The following COL22A1 variants were observed in gnomAD, a reference collection of about 807,000 sequenced individuals.
COL22A1 encodes the protein collagen alpha-1(XXII) chain.
A neutral mutation model predicts 248.9 loss-of-function variants in COL22A1; 221 were observed. The ratio of observed to expected loss-of-function variants is 0.89; its 90% CI spans 0.80 to 0.99. COL22A1 has a LOEUF of 0.99. Among genes scored for constraint, COL22A1 ranks in the 50% least tolerant of loss-of-function variants. COL22A1 has a pLI of 0.00. For missense variants in COL22A1, 2,240 were observed against 2,179.0 expected, an observed-to-expected ratio of 1.03 and a Z score of -0.56; for synonymous variants, 891 against 793.4, an observed-to-expected ratio of 1.12 and a Z score of -2.07.
intron 16 of COL22A1, 34 bp from the exon 17 acceptor site, chr8:138,762,500 G>A: frequency 6.2e-7 from 1 of 1,606,832 alleles, no homozygotes; most frequent in Admixed American, 1.7e-5. Context: ...AAATAAAGAG[G>A]TTAGTGACCA....
intron 56 of COL22A1, among the ~76,000 whole-genome samples, chr8:138,608,534 G>T (rs1029718294): frequency 2.0e-5 from 3 of 152,156 alleles, no homozygotes; most frequent in Non-Finnish European, 1.5e-5. Flanking sequence ...GCTACAAAAT[G>T]GAAGGTCCAT....
chr8:138,608,696 C>T (rs1254292554), intron 56 of COL22A1, among the ~76,000 whole-genome samples: 1 of 152,226 alleles, frequency 6.6e-6, no homozygotes, highest in Non-Finnish European at 1.5e-5. Flanking sequence ...TTCTTGGCTA[C>T]TCCCTTTCAG....
chr8:138,819,122 T>A (rs1818900354), intron 7 of COL22A1, among the ~76,000 whole-genome samples: 1 of 152,240 alleles, frequency 6.6e-6, no homozygotes, highest in South Asian at 2.1e-4. Context: ...TGATGATTTA[T>A]CATTCTGTTA....
intron 45 of COL22A1, among the ~76,000 whole-genome samples, chr8:138,655,348 AT>A (rs1206178002): frequency 6.6e-6 from 1 of 152,006 alleles, no homozygotes; most frequent in Non-Finnish European, 1.5e-5. Flanking sequence ...AAGCACCTAA[AT>A]TTTTAATCGC....
At chr8:138,778,024 G>A in intron 15 of COL22A1, 1 of 416,596 alleles carries the variant, frequency 2.4e-6, no homozygotes, top group South Asian at 2.1e-5. Flanking sequence ...GTACAGTACA[G>A]GACAGGCTGG....
intron 40 of COL22A1, among the ~76,000 whole-genome samples, chr8:138,677,352 G>A (rs1357201698): frequency 1.3e-5 from 2 of 152,210 alleles, no homozygotes; most frequent in African/African-American, 4.8e-5. Flanking sequence ...TTGGCACAGA[G>A]CCCAGCACAG....
chr8:138,896,995 C>T (rs1005425692), intron 1 of COL22A1, among the ~76,000 whole-genome samples: 21 of 152,070 alleles, frequency 1.4e-4, no homozygotes, highest in African/African-American at 4.6e-4. Flanking sequence ...CCATTCAGGC[C>T]CCTAAGTCCC....
chr8:138,803,608 C>T (rs1817195386), intron 10 of COL22A1, among the ~76,000 whole-genome samples: 1 of 152,190 alleles, frequency 6.6e-6, no homozygotes. Context: ...ACAAGTCCAT[C>T]CCTGTGTACC....
At chr8:138,696,783 C>T (rs146486430) in intron 32 of COL22A1, among the ~76,000 whole-genome samples, 4 of 152,356 alleles carry the variant, frequency 2.6e-5, no homozygotes, top group African/African-American at 9.6e-5. Context: ...CAGCTCATTC[C>T]TCTGCCTAGA....
intron 10 of COL22A1, among the ~76,000 whole-genome samples, chr8:138,806,139 G>GGTGTGTGTGTGATGGT (rs1563788718): frequency 4.6e-5 from 3 of 64,542 alleles, no homozygotes. Context: ...GGTGTGTGGT[G>GGTGTGTGTGTGATGGT]GTGTGTGTGT....
intron 22 of COL22A1, among the ~76,000 whole-genome samples, chr8:138,741,462 T>C (rs1287303605): frequency 6.6e-6 from 1 of 152,224 alleles, no homozygotes; most frequent in Non-Finnish European, 1.5e-5. Flanking sequence ...CCATTTAACT[T>C]GCTGAGTCTT....
At chr8:138,638,733 C>T (rs75770168) in intron 47 of COL22A1, among the ~76,000 whole-genome samples, 1 of 152,308 alleles carries the variant, frequency 6.6e-6, no homozygotes, top group Non-Finnish European at 1.5e-5. Context: ...ACACCCTCTG[C>T]AGATCATGTT....
At chr8:138,625,509 T>C (rs898954636) in intron 51 of COL22A1, among the ~76,000 whole-genome samples, 4 of 152,168 alleles carry the variant, frequency 2.6e-5, no homozygotes, top group African/African-American at 9.7e-5. Context: ...CTTGAACAGC[T>C]CGACTCTAAT....
intron 26 of COL22A1, among the ~76,000 whole-genome samples, chr8:138,721,429 C>A (rs993506401): frequency 6.6e-6 from 1 of 152,148 alleles, no homozygotes; most frequent in Non-Finnish European, 1.5e-5. Context: ...CCTGTATTTG[C>A]TCCCCAGTTT....
At chr8:138,602,288 G>C in intron 59 of COL22A1, 129 bp from the exon 60 acceptor site, 4 of 943,026 alleles carry the variant, frequency 4.2e-6, no homozygotes, top group South Asian at 1.6e-5. Flanking sequence ...TCCCCCGAGG[G>C]CTCCTTTCTG....
At chr8:138,790,310 A>C (rs1249696131) in intron 12 of COL22A1, among the ~76,000 whole-genome samples, 1 of 152,166 alleles carries the variant, frequency 6.6e-6, no homozygotes, top group Non-Finnish European at 1.5e-5. Flanking sequence ...TCATTCATAA[A>C]GGCTCCACCC....
intron 16 of COL22A1, among the ~76,000 whole-genome samples, chr8:138,772,268 C>T (rs11780307): frequency 2.6e-5 from 4 of 152,240 alleles, no homozygotes; most frequent in Middle Eastern, 3.4e-3. Flanking sequence ...TACCAGCTCA[C>T]GCAGGGAAGA....
chr8:138,684,310 G>T, intron 39 of COL22A1, 115 bp downstream of exon 39: 2 of 787,622 alleles, frequency 2.5e-6, no homozygotes, highest in Non-Finnish European at 4.6e-6. Flanking sequence ...AACACGATGA[G>T]CTGAGAAACA....
At chr8:138,652,833 G>A (rs754302126) in intron 45 of COL22A1, among the ~76,000 whole-genome samples, 3 of 128,850 alleles carry the variant, frequency 2.3e-5, no homozygotes, top group African/African-American at 5.9e-5. Flanking sequence ...TGCAGCCTCC[G>A]CCTCCCAGAT....
Sources: gnomAD v4.1 joint callset for allele counts (sites outside exome capture counted in the v4.1 genomes callset) on GRCh38, gnomAD v4.1.1 for gene constraint, MANE v1.5 for transcripts, NCBI Gene and HGNC (gene_info 2026-07-23, HGNC 2026-07-21) for gene names.